Variants in NRXN1 observed in about 807,000 individuals in gnomAD.
The protein encoded by NRXN1 is neurexin-1.
Under a neutral mutation model 150.9 loss-of-function variants are expected in NRXN1, and 39 were observed. The ratio of observed to expected loss-of-function variants is 0.26; its 90% confidence interval spans 0.20 to 0.34. NRXN1 has a LOEUF of 0.34. Among genes scored for constraint, NRXN1 ranks in the 10% least tolerant of loss-of-function variants. The probability of loss-of-function intolerance (pLI) is 1.00; values close to 1 mark genes in which losing one functional copy is unlikely to be tolerated. For missense variants in NRXN1, 1,815 were observed against 1,949.9 expected (o/e 0.93, Z 1.30); for synonymous variants, 924 against 757.0 (o/e 1.22, Z -3.62).
chr2:51,029,662 G>A (rs1387680588), intron 1 of NRXN1, among the ~76,000 whole-genome samples: 1 of 152,164 alleles, frequency 6.6e-6, no homozygotes, highest in African/African-American at 2.4e-5. Context: ...GCTTAGACTT[G>A]TATAGCATTC....
chr2:50,347,862 T>C lies in NRXN1; in HGVS notation c.3365-110892A>G. On this transcript the variant is annotated intron_variant, in intron 17 of 22. Transcript: ENST00000401669. The surrounding 1 kb of genome is among the most constrained non-coding windows in gnomAD (Gnocchi z 4.9). ...GGATGCAATGCAGAGGACGAGCCTA[T>C]GTAACGAGGGAGGCTGGTCTAGCTT... is the stretch of plus-strand genomic sequence containing the variant. 2 of 985,196 alleles carry C rather than the reference T, an allele frequency of 2.0e-6. No homozygotes were observed. The highest frequency in any genetic ancestry group is 2.4e-6 in the Non-Finnish European group (2 of 829,742). The allele number at this position is 985,196 out of a possible 1,614,324, so 61.0% of individuals were successfully genotyped here. A position where few individuals can be genotyped will look rare whatever the true frequency, so the allele number is the denominator to read the frequency against.
chr2:50,192,656 G>C (rs1035562566), intron 18 of NRXN1, among the ~76,000 whole-genome samples: 5 of 152,146 alleles, frequency 3.3e-5, no homozygotes, highest in African/African-American at 1.2e-4. Flanking sequence ...ACCCAGGCTA[G>C]AGTGTAGTGG....
In NRXN1 at chr2:50,623,583, A is replaced by T. The variant is rs1411233342; in HGVS notation, c.865T>A (p.Ser289Thr). The change falls in exon 6 of 23, where the codon TCT (serine) becomes ACT (threonine). Residue 289 changes from serine (S) to threonine (T), a missense_variant. Ser to Thr is a moderately conservative substitution (Grantham distance 58). This residue lies in a region of NRXN1 where 554 missense variants were observed against 478.8 expected (regional missense o/e 1.16). Transcript: ENST00000401669. ...KEEYIATFKG[S>T]EYFCYDLSQN... ...GACAAGTCGTAGCAGAAGTATTCAGATCCTTTGAACGTGGCAATATATTCT... is the reference window on the plus strand; with the variant it reads ...GACAAGTCGTAGCAGAAGTATTCAGTTCCTTTGAACGTGGCAATATATTCT... The T allele has an allele frequency of 1.9e-6, 3 of 1,612,780 alleles. No homozygotes were observed. In the Admixed American group the frequency reaches 5.0e-5, roughly 27 times the overall value.
rs577575669 is a variant in NRXN1 at position 50,252,320 on chromosome 2, G to A, written c.3365-15350C>T. Among the ~76,000 whole-genome samples the A allele has an allele frequency of 8.8e-5, 11 of 125,262 alleles. No homozygotes were observed. In the South Asian group the frequency reaches 1.2e-3, roughly 14 times the overall value. 82.2% of individuals were successfully genotyped at this position (125,262 alleles called of 152,430 possible). A position where few individuals can be genotyped will look rare whatever the true frequency, so the allele number is the denominator to read the frequency against. ...TATCACCCAGGCTGGAATGCAGTGC[G>A]TGATCTTGGCTCACTGCAACCTCTG... On this transcript the variant is annotated intron_variant, in intron 17 of 22. Transcript: ENST00000401669.
At chr2:50,913,589 T>C (rs1160794061) in intron 5 of NRXN1, among the ~76,000 whole-genome samples, 1 of 151,796 alleles carries the variant, frequency 6.6e-6, no homozygotes, top group Admixed American at 6.6e-5. Flanking sequence ...GGTTATGCAA[T>C]AAAATAGTAT....
At chr2:50,961,911 C>G (rs751503333) in intron 2 of NRXN1, among the ~76,000 whole-genome samples, 6 of 150,946 alleles carry the variant, frequency 4.0e-5, no homozygotes, top group Non-Finnish European at 8.9e-5. Context: ...AATCTAGACG[C>G]TTTTCTATTA....
chr2:50,252,457 C>T (rs1234791308), intron 17 of NRXN1, among the ~76,000 whole-genome samples: 1 of 151,756 alleles, frequency 6.6e-6, no homozygotes, highest in Admixed American at 6.6e-5. Context: ...CAGGGTTTTG[C>T]CATGTTAGCC....
chr2:50,569,231 C>T (rs1029593545), intron 8 of NRXN1, among the ~76,000 whole-genome samples: 2 of 151,952 alleles, frequency 1.3e-5, no homozygotes, highest in South Asian at 4.1e-4. Context: ...TTTGATATCA[C>T]AACAGTGTGA....
At chr2:50,668,864 G>T (rs972236528) in intron 5 of NRXN1, among the ~76,000 whole-genome samples, 1 of 151,978 alleles carries the variant, frequency 6.6e-6, no homozygotes, top group Admixed American at 6.6e-5. Flanking sequence ...TGAGAGAAAT[G>T]AAGGAGGAGG....
intron 5 of NRXN1, among the ~76,000 whole-genome samples, chr2:50,648,241 A>T (rs1380557667): frequency 6.6e-6 from 1 of 151,914 alleles, no homozygotes; most frequent in Non-Finnish European, 1.5e-5. Context: ...CTTTCACATA[A>T]CACTGTATTT....
At chr2:50,127,617 T>C (rs1704802922) in intron 18 of NRXN1, among the ~76,000 whole-genome samples, 1 of 152,154 alleles carries the variant, frequency 6.6e-6, no homozygotes, top group African/African-American at 2.4e-5. Context: ...TGCCTTACTA[T>C]ATGTCTTATC....
intron 19 of NRXN1, among the ~76,000 whole-genome samples, chr2:50,081,291 A>C (rs1380974357): frequency 2.0e-5 from 3 of 152,182 alleles, no homozygotes; most frequent in African/African-American, 7.2e-5. Context: ...AAACCAACTT[A>C]TTCCTGGCCA....
At chr2:51,022,710 A>C (rs1669817133) in intron 2 of NRXN1, among the ~76,000 whole-genome samples, 2 of 152,176 alleles carry the variant, frequency 1.3e-5, no homozygotes, top group Non-Finnish European at 2.9e-5. Context: ...TTTAACCACT[A>C]TCTACTTATA....
chr2:50,928,143 T>G (rs1476499898), intron 2 of NRXN1, among the ~76,000 whole-genome samples: 2 of 151,946 alleles, frequency 1.3e-5, no homozygotes, highest in Non-Finnish European at 2.9e-5. Flanking sequence ...ATCCAAGTCA[T>G]GTTTAATGTG....
intron 8 of NRXN1, among the ~76,000 whole-genome samples, chr2:50,556,237 T>C (rs1668235473): frequency 6.6e-6 from 1 of 152,160 alleles, no homozygotes. Flanking sequence ...CTAGTTCAAT[T>C]AGAATAATGA....
intron 5 of NRXN1, among the ~76,000 whole-genome samples, chr2:50,871,235 C>T (rs1677735314): frequency 6.6e-6 from 1 of 151,746 alleles, no homozygotes; most frequent in Non-Finnish European, 1.5e-5. Flanking sequence ...GAATGCTCTC[C>T]TATTCTCTAT....
intron 2 of NRXN1, among the ~76,000 whole-genome samples, chr2:51,000,188 C>T: frequency 6.6e-6 from 1 of 152,010 alleles, no homozygotes; most frequent in East Asian, 1.9e-4. Flanking sequence ...CTGCATGTTT[C>T]TTTGTTGTGT....
At chr2:50,279,012 T>G (rs1214258112) in intron 17 of NRXN1, among the ~76,000 whole-genome samples, 1 of 152,184 alleles carries the variant, frequency 6.6e-6, no homozygotes, top group African/African-American at 2.4e-5. Context: ...CAGGCTGAAG[T>G]TTCTCTTTTT....
chr2:50,108,046 T>C (rs75537819), intron 18 of NRXN1, among the ~76,000 whole-genome samples: 5,661 of 151,884 alleles, frequency 0.037, 356 homozygotes, highest in African/African-American at 0.13. Flanking sequence ...ATCTCCAAAG[T>C]AGGTGTTCTT....
Sources: allele counts gnomAD v4.1 joint callset (sites outside exome capture counted in the v4.1 genomes callset), GRCh38; gene constraint gnomAD v4.1.1; regional missense constraint gnomAD v4.1.1; non-coding constraint Gnocchi (gnomAD v3.1); transcripts MANE v1.5; gene names NCBI Gene and HGNC (gene_info 2026-07-23, HGNC 2026-07-21).